DOCK10: variants seen among roughly 807,000 people sequenced by gnomAD.
DOCK10 encodes the protein dedicator of cytokinesis protein 10.
In DOCK10, 145 loss-of-function variants were observed where a neutral mutation model predicts 280.1. That is an observed-to-expected ratio of 0.52 (90% confidence interval 0.45 to 0.59). The LOEUF (loss-of-function observed/expected upper bound fraction) is 0.59. Ranked by LOEUF, DOCK10 falls within the 20% of genes least tolerant of loss-of-function variation. The probability of loss-of-function intolerance (pLI) is 0.00; values close to 1 mark genes in which losing one functional copy is unlikely to be tolerated. For missense variants in DOCK10, 2,368 were observed against 2,651.7 expected (o/e 0.89, Z 2.35); for synonymous variants, 915 against 942.2 (o/e 0.97, Z 0.53).
chr2:224,922,200 G>T (rs1301182742), intron 2 of DOCK10, among the ~76,000 whole-genome samples: 2 of 149,976 alleles, frequency 1.3e-5, no homozygotes, highest in South Asian at 2.1e-4. Flanking sequence ...TCTCATTTTA[G>T]ATCTCTTTAA....
chr2:224,829,917 C>T (rs527554358), intron 27 of DOCK10, among the ~76,000 whole-genome samples: 1 of 152,168 alleles, frequency 6.6e-6, no homozygotes, highest in Non-Finnish European at 1.5e-5. Context: ...TGCAGGGAAG[C>T]AGATTCATGA....
At chr2:224,958,237 G>A (rs1343251597) in intron 1 of DOCK10, among the ~76,000 whole-genome samples, 1 of 152,204 alleles carries the variant, frequency 6.6e-6, no homozygotes, top group Non-Finnish European at 1.5e-5. Flanking sequence ...ATTGTGTTGA[G>A]GTCATCTTGA....
At chr2:224,965,246 G>A (rs754041739) in intron 1 of DOCK10, among the ~76,000 whole-genome samples, 30 of 152,146 alleles carry the variant, frequency 2.0e-4, no homozygotes, top group South Asian at 2.1e-4. Context: ...CAAAGTTCAA[G>A]GAGGTTTGGT....
Position 224,785,029 on chromosome 2 carries a change from T to C in DOCK10, c.5655+1993A>G, listed in dbSNP as rs1442606875. Among the ~76,000 whole-genome samples the C allele has an allele frequency of 2.0e-5, 3 of 152,198 alleles. No homozygotes were observed. The East Asian group carries it at 5.8e-4, about 29-fold the overall frequency. On this transcript the variant is annotated intron_variant, in intron 50 of 55. Coordinates refer to ENST00000258390, the MANE Select transcript of DOCK10 (RefSeq NM_014689.3). ...TCAGTTAGCCTGTGGCCATCTCCCT[T>C]GAAACTCTGTTTTTCCCTTTCAATT...
At chr2:224,794,803 T>C (rs1692442516) in intron 45 of DOCK10, 76 bp downstream of exon 45, 1 of 1,398,028 alleles carries the variant, frequency 7.2e-7, no homozygotes, top group Non-Finnish European at 1.0e-6. Context: ...TTCTAGTCCA[T>C]GCTGTAAATG....
At chr2:224,906,030 G>A (rs1417123458) in intron 3 of DOCK10, among the ~76,000 whole-genome samples, 1 of 152,026 alleles carries the variant, frequency 6.6e-6, no homozygotes, top group Non-Finnish European at 1.5e-5. Flanking sequence ...TGGCAAATAA[G>A]GTTATCTTCT....
intron 1 of DOCK10, among the ~76,000 whole-genome samples, chr2:224,944,892 A>T (rs1259395720): frequency 3.3e-5 from 5 of 152,112 alleles, no homozygotes; most frequent in African/African-American, 1.2e-4. Context: ...AATGATCTTA[A>T]TTAAATTTGA....
rs71429133 is a variant in DOCK10 at position 224,778,057 on chromosome 2, G to T, written c.5802+81C>A. 8.7e-3 allele frequency: 12,197 copies of T among 1,397,630 alleles called. 81 individuals are homozygous for T. The highest frequency in any genetic ancestry group is 0.011 in the Non-Finnish European group (11,020 of 1,023,078). The allele number at this position is 1,397,630 out of a possible 1,614,324, so 86.6% of individuals were successfully genotyped here. The stretch of plus-strand genomic sequence containing the variant: ...GTAGTTTACTTTGCATCGTCAGGCA[G>T]AAAATGAAAACTTAATGTAGTTAAA... On this transcript the variant is annotated intron_variant, in intron 51 of 55. Transcript: ENST00000258390.
At chr2:224,900,708 C>T (rs1207280449) in intron 3 of DOCK10, among the ~76,000 whole-genome samples, 2 of 152,206 alleles carry the variant, frequency 1.3e-5, no homozygotes, top group African/African-American at 4.8e-5. Context: ...GTAATACCAC[C>T]TTCGCTAGGA....
At chr2:224,920,674 T>A (rs1050201506) in intron 2 of DOCK10, among the ~76,000 whole-genome samples, 1 of 151,922 alleles carries the variant, frequency 6.6e-6, no homozygotes, top group African/African-American at 2.4e-5. Context: ...TAAAAAAAAA[T>A]TCTATATTAT....
intron 39 of DOCK10, 149 bp from the exon 40 acceptor site, chr2:224,802,189 A>G: frequency 2.4e-6 from 2 of 842,126 alleles, no homozygotes; most frequent in East Asian, 5.5e-5. Flanking sequence ...ATTATAGGTG[A>G]CATGATGAGA....
rs1433741452 is a variant in DOCK10, at chr2:224,855,106, A to G, written c.1809-64T>C. ...ACACACACACACACACACACAGAGT[A>G]TTATTCCAATTTTCAAGGAAAAAGC... On this transcript the variant is annotated intron_variant, in intron 15 of 55. Coordinates refer to ENST00000258390, the MANE Select transcript of DOCK10 (RefSeq NM_014689.3). 7.6e-6 allele frequency: 4 copies of G among 527,852 alleles called. No individual in the cohort carries two copies. The East Asian group carries it at 1.3e-4, about 18-fold the overall frequency. 32.7% of individuals were successfully genotyped at this position (527,852 alleles called of 1,614,324 possible).
intron 1 of DOCK10, among the ~76,000 whole-genome samples, chr2:225,003,627 T>G (rs1706495282): frequency 6.6e-6 from 1 of 152,234 alleles, no homozygotes; most frequent in African/African-American, 2.4e-5. Flanking sequence ...TTCTTTTAGT[T>G]TCAAATTAAA....
intron 1 of DOCK10, among the ~76,000 whole-genome samples, chr2:224,950,579 G>A (rs1703672975): frequency 6.6e-6 from 1 of 152,120 alleles, no homozygotes; most frequent in African/African-American, 2.4e-5. Flanking sequence ...AAGGAGATGG[G>A]TAATATGAGT....
At chr2:224,800,784 C>T (rs891065547) in intron 40 of DOCK10, among the ~76,000 whole-genome samples, 2 of 152,122 alleles carry the variant, frequency 1.3e-5, no homozygotes, top group African/African-American at 4.8e-5. Context: ...TGACAATGGC[C>T]TGTGACACAG....
chr2:224,935,628 T>G (rs914546079), intron 1 of DOCK10, among the ~76,000 whole-genome samples: 1 of 152,200 alleles, frequency 6.6e-6, no homozygotes, highest in African/African-American at 2.4e-5. Flanking sequence ...GTTTAGTTAG[T>G]GCTGCCTCAC....
chr2:224,888,781 AATAT>A (rs61460633), intron 4 of DOCK10, among the ~76,000 whole-genome samples: 8 of 151,412 alleles, frequency 5.3e-5, no homozygotes, highest in African/African-American at 1.2e-4. Flanking sequence ...TATGTGTGTG[AATAT>A]ATGTTTTTGT....
chr2:225,000,585 T>G (rs746572279), intron 1 of DOCK10, among the ~76,000 whole-genome samples: 8 of 152,094 alleles, frequency 5.3e-5, no homozygotes, highest in Non-Finnish European at 1.2e-4. Context: ...ACGCCAACAG[T>G]AGGGCGGGAA....
At chr2:224,982,348 A>C in intron 1 of DOCK10, 1 of 1,231,958 alleles carries the variant, frequency 8.1e-7, no homozygotes, top group Non-Finnish European at 1.0e-6. Context: ...GAAGCAGAAC[A>C]ATGCTGGCAG....
Sources: allele counts gnomAD v4.1 joint callset (sites outside exome capture counted in the v4.1 genomes callset), GRCh38; gene constraint gnomAD v4.1.1; transcripts MANE v1.5; gene names NCBI Gene and HGNC (gene_info 2026-07-23, HGNC 2026-07-21).